The following PIGU variants were observed in gnomAD, a reference collection of about 807,000 sequenced individuals.
PIGU encodes GPI-anchor transamidase component PIGU.
Under a neutral mutation model 49.9 loss-of-function variants are expected in PIGU, and 24 were observed. The ratio of observed to expected loss-of-function variants is 0.48; its 90% CI spans 0.35 to 0.68. The LOEUF is 0.68. PIGU is among the 30% of genes least tolerant of loss of function. The probability of loss-of-function intolerance (pLI) is 0.01; values close to 1 mark genes in which losing one functional copy is unlikely to be tolerated. For missense variants in PIGU, 490 were observed against 532.6 expected, an observed-to-expected ratio of 0.92 and a Z score of 0.79; for synonymous variants, 220 against 205.7, an observed-to-expected ratio of 1.07 and a Z score of -0.59.
At chr20:34,567,933 C>A (rs576482968) in intron 11 of PIGU, among the ~76,000 whole-genome samples, 1 of 152,252 alleles carries the variant, frequency 6.6e-6, no homozygotes, top group Admixed American at 6.5e-5. Flanking sequence ...CCCCAGGAAG[C>A]CTCCTTAACA....
chr20:34,573,744 C>T (rs1302599135), intron 11 of PIGU, among the ~76,000 whole-genome samples: 1 of 152,238 alleles, frequency 6.6e-6, no homozygotes, highest in Non-Finnish European at 1.5e-5. Flanking sequence ...ATTCTGCCTG[C>T]GTGGGTCAGA....
At chr20:34,605,117 T>C (rs190853773) in intron 7 of PIGU, among the ~76,000 whole-genome samples, 64 of 152,214 alleles carry the variant, frequency 4.2e-4, no homozygotes, top group Middle Eastern at 3.4e-3. Flanking sequence ...GTTAGGGCTA[T>C]TTTTTTCCGC....
At chr20:34,636,877 A>T (rs1426602796) in intron 5 of PIGU, among the ~76,000 whole-genome samples, 1 of 152,180 alleles carries the variant, frequency 6.6e-6, no homozygotes, top group East Asian at 1.9e-4. Flanking sequence ...AATTACAGAC[A>T]GGCTTGTTAC....
intron 10 of PIGU, among the ~76,000 whole-genome samples, chr20:34,575,974 G>A (rs1029490440): frequency 6.6e-6 from 1 of 152,188 alleles, no homozygotes; most frequent in African/African-American, 2.4e-5. Flanking sequence ...TGGCAGCCGG[G>A]TACAGACCTT....
intron 2 of PIGU, among the ~76,000 whole-genome samples, chr20:34,653,040 T>C (rs1986593348): frequency 6.6e-6 from 1 of 151,342 alleles, no homozygotes; most frequent in Non-Finnish European, 1.5e-5. Context: ...TGGCACTATC[T>C]CCGCTCACTG....
chr20:34,636,380 T>G (rs1287163578), intron 5 of PIGU, among the ~76,000 whole-genome samples: 2 of 151,602 alleles, frequency 1.3e-5, no homozygotes, highest in African/African-American at 4.9e-5. Context: ...CCGTCTCTGC[T>G]AAAAGTACAA....
chr20:34,630,652 T>A (rs184000679), intron 6 of PIGU, among the ~76,000 whole-genome samples: 40 of 152,182 alleles, frequency 2.6e-4, no homozygotes, highest in Admixed American at 1.2e-3. Context: ...AAAATTTTTT[T>A]TTATTATTAT....
chr20:34,641,258 A>G (rs1568654319), intron 4 of PIGU, among the ~76,000 whole-genome samples: 1 of 152,098 alleles, frequency 6.6e-6, no homozygotes, highest in African/African-American at 2.4e-5. Context: ...ATCTACGTTC[A>G]TTTGCATCCC....
intron 7 of PIGU, among the ~76,000 whole-genome samples, chr20:34,605,741 C>A (rs1214974140): frequency 6.6e-6 from 1 of 152,096 alleles, no homozygotes; most frequent in African/African-American, 2.4e-5. Flanking sequence ...TTCAAACATG[C>A]AGAAAAGTTG....
At chr20:34,607,168 T>C (rs2146732537) in intron 7 of PIGU, among the ~76,000 whole-genome samples, 1 of 152,332 alleles carries the variant, frequency 6.6e-6, no homozygotes, top group African/African-American at 2.4e-5. Flanking sequence ...CTAAAAACCA[T>C]TCACCCAGTG....
chr20:34,662,082 T>C (rs184197538), intron 1 of PIGU, among the ~76,000 whole-genome samples: 2 of 152,262 alleles, frequency 1.3e-5, no homozygotes, highest in Admixed American at 1.3e-4. Flanking sequence ...CCCCGCCAAC[T>C]GTTTTTCCAA....
At chr20:34,662,929 C>G (rs1226060545) in intron 1 of PIGU, among the ~76,000 whole-genome samples, 2 of 152,030 alleles carry the variant, frequency 1.3e-5, no homozygotes, top group Non-Finnish European at 2.9e-5. Flanking sequence ...GTTTTGGAGA[C>G]AGGGTCTCGC....
In PIGU at chr20:34,666,686, TC is replaced by T. The variant is rs1330399360; in HGVS notation, c.131-9443del. Among the ~76,000 whole-genome samples, 148 of 141,686 alleles carry T rather than the reference TC, an allele frequency of 1.0e-3. 2 individuals carry two copies. The highest frequency in any genetic ancestry group is 3.8e-3 in the African/African-American group (136 of 36,214). The allele number at this position is 141,686 out of a possible 152,430, so 93.0% of individuals were successfully genotyped here. A position where few individuals can be genotyped will look rare whatever the true frequency, so the allele number is the denominator to read the frequency against. ...GAGTGCACCACTGCACCTGACTAAT[TC>T]TTTTTTTTTTTTTTTTTTTTTTTTT... On this transcript the variant is annotated intron_variant, in intron 1 of 11. Transcript: ENST00000217446.
At chr20:34,647,236 G>A (rs1456075797) in intron 2 of PIGU, among the ~76,000 whole-genome samples, 1 of 151,906 alleles carries the variant, frequency 6.6e-6, no homozygotes, top group East Asian at 1.9e-4. Flanking sequence ...CTCCCAAAGT[G>A]CTGAGATTAC....
intron 6 of PIGU, among the ~76,000 whole-genome samples, chr20:34,627,166 AGC>A (rs1423108372): frequency 6.6e-6 from 1 of 152,230 alleles, no homozygotes; most frequent in Non-Finnish European, 1.5e-5. Context: ...ACAAAAGAGA[AGC>A]GCTGGGATCT....
At chr20:34,669,560 A>G (rs957022712) in intron 1 of PIGU, among the ~76,000 whole-genome samples, 5 of 151,638 alleles carry the variant, frequency 3.3e-5, no homozygotes, top group Non-Finnish European at 5.9e-5. Context: ...CCAGCTACTC[A>G]GGAGGCTGAG....
At chr20:34,572,611 G>A (rs1273219672) in intron 11 of PIGU, among the ~76,000 whole-genome samples, 6 of 152,090 alleles carry the variant, frequency 3.9e-5, no homozygotes, top group Non-Finnish European at 7.4e-5. Flanking sequence ...CCAAGATCAC[G>A]CCATTGCGCT....
At chr20:34,593,189 T>C (rs1238622570) in intron 7 of PIGU, among the ~76,000 whole-genome samples, 1 of 151,716 alleles carries the variant, frequency 6.6e-6, no homozygotes, top group Non-Finnish European at 1.5e-5. Flanking sequence ...ATACAAAAAT[T>C]AGTAGGGCAT....
intron 11 of PIGU, among the ~76,000 whole-genome samples, chr20:34,566,027 GATGCACACAC>G (rs1982749048): frequency 6.6e-6 from 1 of 150,798 alleles, no homozygotes; most frequent in African/African-American, 2.4e-5. Context: ...CACACACACA[GATGCACACAC>G]ATACACGCAC....
Sources: gnomAD v4.1 joint callset for allele counts (sites outside exome capture counted in the v4.1 genomes callset) on GRCh38, gnomAD v4.1.1 for gene constraint, MANE v1.5 for transcripts, NCBI Gene and HGNC (gene_info 2026-07-23, HGNC 2026-07-21) for gene names.